The following TSPAN14 variants were observed in gnomAD, a reference collection of about 807,000 sequenced individuals.
TSPAN14 encodes tetraspanin 14, also known as tetraspanin-14.
Under a neutral mutation model 36.6 loss-of-function variants are expected in TSPAN14, and 16 were observed. The observed-to-expected ratio is 0.44, with a 90% CI of 0.30 to 0.66. The LOEUF (loss-of-function observed/expected upper bound fraction) is 0.66, where lower values mean the gene tolerates loss of function less well. Among genes scored for constraint, TSPAN14 ranks in the 30% least tolerant of loss-of-function variants. The pLI is 0.12. For missense variants in TSPAN14, 231 were observed against 355.1 expected, an observed-to-expected ratio of 0.65 and a Z score of 2.81; for synonymous variants, 139 against 143.8, an observed-to-expected ratio of 0.97 and a Z score of 0.24.
intron 1 of TSPAN14, among the ~76,000 whole-genome samples, chr10:80,476,506 C>G (rs1037655428): frequency 2.0e-5 from 3 of 149,926 alleles, no homozygotes; most frequent in African/African-American, 5.0e-5. Flanking sequence ...AGCTCCGCCT[C>G]CCGGGTTCAC....
At chr10:80,472,528 G>T (rs182645425) in intron 1 of TSPAN14, among the ~76,000 whole-genome samples, 1 of 152,278 alleles carries the variant, frequency 6.6e-6, no homozygotes, top group East Asian at 1.9e-4. Flanking sequence ...AATACAGTAT[G>T]CTATTTCACA....
At chr10:80,469,565 C>G (rs1279497258) in intron 1 of TSPAN14, among the ~76,000 whole-genome samples, 1 of 152,170 alleles carries the variant, frequency 6.6e-6, no homozygotes, top group Non-Finnish European at 1.5e-5. Context: ...ATTTCTGGCT[C>G]TGTTTTAGGG....
chr10:80,478,582 A>G (rs974195461), intron 1 of TSPAN14, among the ~76,000 whole-genome samples: 4 of 152,234 alleles, frequency 2.6e-5, no homozygotes, highest in African/African-American at 4.8e-5. Context: ...GGATGATGCT[A>G]CAAGTTACAC....
At chr10:80,507,494 C>T in intron 4 of TSPAN14, 120 bp downstream of exon 4, 1 of 1,402,576 alleles carries the variant, frequency 7.1e-7, no homozygotes. Context: ...CCCTAGGCCC[C>T]TGCCTGGGAG....
exon 1 of TSPAN14, chr10:80,454,362 C>G (rs1341095646): frequency 6.6e-6 from 1 of 152,528 alleles, no homozygotes; most frequent in Non-Finnish European, 1.5e-5. Flanking sequence ...GCTGCCGCCG[C>G]CGCGCGCGGG....
intron 2 of TSPAN14, among the ~76,000 whole-genome samples, chr10:80,500,219 G>A (rs1312953685): frequency 6.7e-6 from 1 of 150,342 alleles, no homozygotes; most frequent in African/African-American, 2.4e-5. Context: ...TTGAACCCAT[G>A]ATCTGACATG....
intron 1 of TSPAN14, among the ~76,000 whole-genome samples, chr10:80,461,847 G>A (rs1009616837): frequency 3.3e-5 from 5 of 152,096 alleles, no homozygotes; most frequent in Admixed American, 3.3e-4. Flanking sequence ...CCACCGAGAG[G>A]AGCAGAAAGA....
chr10:80,502,576 T>TG (rs1848581251), intron 2 of TSPAN14, among the ~76,000 whole-genome samples: 1 of 151,618 alleles, frequency 6.6e-6, no homozygotes, highest in Non-Finnish European at 1.5e-5. Context: ...GCACCAAGCC[T>TG]GGGGTCTGGG....
intron 1 of TSPAN14, among the ~76,000 whole-genome samples, chr10:80,473,880 C>T (rs1193058491): frequency 2.0e-5 from 3 of 151,980 alleles, no homozygotes; most frequent in Admixed American, 6.6e-5. Flanking sequence ...AGCCGAGCCC[C>T]TCCTTCCATC....
At chr10:80,502,540 T>G (rs1007562538) in intron 2 of TSPAN14, among the ~76,000 whole-genome samples, 1 of 152,014 alleles carries the variant, frequency 6.6e-6, no homozygotes, top group Non-Finnish European at 1.5e-5. Flanking sequence ...TCCTCTGGGT[T>G]GAGTGTAGGG....
intron 1 of TSPAN14, among the ~76,000 whole-genome samples, chr10:80,470,349 G>A (rs899815974): frequency 1.3e-5 from 2 of 152,216 alleles, no homozygotes; most frequent in African/African-American, 4.8e-5. Flanking sequence ...AAAGTGTTGG[G>A]ATTACAGGTG....
At chr10:80,480,663 A>G (rs1437645379) in intron 1 of TSPAN14, among the ~76,000 whole-genome samples, 3 of 152,212 alleles carry the variant, frequency 2.0e-5, no homozygotes, top group African/African-American at 4.8e-5. Context: ...CATCATTCTC[A>G]GTAAACTGTC....
chr10:80,483,571 A>G (rs1847410236), intron 1 of TSPAN14, among the ~76,000 whole-genome samples: 1 of 152,158 alleles, frequency 6.6e-6, no homozygotes, highest in Non-Finnish European at 1.5e-5. Flanking sequence ...AACAAGGAAT[A>G]AATGTGTTTG....
At chr10:80,507,886 G>A (rs1407121190) in intron 4 of TSPAN14, among the ~76,000 whole-genome samples, 2 of 152,076 alleles carry the variant, frequency 1.3e-5, no homozygotes, top group Admixed American at 6.5e-5. Context: ...AATAACACCT[G>A]GTGGGGAAAA....
chr10:80,454,691 G>C (rs1656341423), intron 1 of TSPAN14, among the ~76,000 whole-genome samples: 1 of 152,144 alleles, frequency 6.6e-6, no homozygotes, highest in Non-Finnish European at 1.5e-5. Flanking sequence ...GCGCCCCGGC[G>C]AGTGCGCGCC....
chr10:80,479,361 C>T (rs1466773534), intron 1 of TSPAN14, among the ~76,000 whole-genome samples: 3 of 151,014 alleles, frequency 2.0e-5, no homozygotes, highest in Non-Finnish European at 4.4e-5. Context: ...ACATGAAGTC[C>T]TTGCCCATGC....
intron 4 of TSPAN14, among the ~76,000 whole-genome samples, chr10:80,507,777 T>G (rs145808430): frequency 1.7e-4 from 26 of 152,372 alleles, no homozygotes; most frequent in African/African-American, 6.3e-4. Context: ...GTCTGTTGGA[T>G]GTACAAGTCA....
chr10:80,516,932 A>G (rs924662163), intron 8 of TSPAN14, among the ~76,000 whole-genome samples: 1 of 152,174 alleles, frequency 6.6e-6, no homozygotes, highest in African/African-American at 2.4e-5. Context: ...TTGGTGGCTG[A>G]GCAGGCAGTG....
rs1231999484 is a variant in TSPAN14 at position 80,509,272 on chromosome 10, A to T, written c.280-29A>T. ...GGGGGTGCAGGCTGGTGGGGTGGTG[A>T]CTTCTGCTCCCGTCCCCTTCCCCTG... is the stretch of plus-strand genomic sequence containing the variant. On this transcript the variant is annotated intron_variant, in intron 4 of 8. Coordinates refer to ENST00000429989, the Ensembl canonical transcript of TSPAN14. The surrounding 1 kb of genome is among the most constrained non-coding windows in gnomAD (Gnocchi z 4.7). 2 of 1,604,420 alleles carry T rather than the reference A, an allele frequency of 1.2e-6. No homozygotes were observed. Among genetic ancestry groups the T allele is most frequent in the East Asian group, 4.5e-5 (2 of 44,808 alleles).
Sources: allele counts gnomAD v4.1 joint callset (sites outside exome capture counted in the v4.1 genomes callset), GRCh38; gene constraint gnomAD v4.1.1; non-coding constraint Gnocchi (gnomAD v3.1); transcripts MANE v1.5; gene names NCBI Gene and HGNC (gene_info 2026-07-23, HGNC 2026-07-21).